The following COL19A1 variants were observed in gnomAD, a reference collection of about 807,000 sequenced individuals.
COL19A1 encodes collagen type XIX alpha 1 chain.
A neutral mutation model predicts 190.2 loss-of-function variants in COL19A1; 159 were observed. The observed-to-expected ratio is 0.84, with a 90% CI of 0.73 to 0.95. The LOEUF (loss-of-function observed/expected upper bound fraction) is 0.95. COL19A1 is among the 40% of genes least tolerant of loss of function. The pLI, the probability that COL19A1 is intolerant of heterozygous loss-of-function variation, is 0.00. For synonymous variants in COL19A1, 509 were observed against 458.9 expected, an observed-to-expected ratio of 1.11 and a Z score of -1.39; for missense variants, 1,418 against 1,431.9, an observed-to-expected ratio of 0.99 and a Z score of 0.16.
At position 70,137,746 on chromosome 6, in the gene COL19A1, C is replaced by G. The variant is rs750922698; in HGVS notation, c.1445C>G (p.Pro482Arg). 5.0e-6 allele frequency: 8 copies of G among 1,612,990 alleles called. No homozygotes were observed. The highest frequency in any genetic ancestry group is 1.7e-4 in the Middle Eastern group (1 of 6,056). ...GGCCCTAAAGGACAAAAAGGAGAAC[C>G]TGTAAGTATTTTAGCTTTGAGGACA... ...SVGPKGQKGE[P>R]GEPFTKGEKG... is the part of the protein sequence containing the mutation. The change falls in exon 19 of 51, where the codon CCT becomes CGT. Residue 482 changes from proline to arginine, a missense_variant and splice_region_variant. By Grantham distance (103) the Pro-to-Arg change is moderately radical. Coordinates refer to ENST00000620364, the MANE Select transcript of COL19A1 (RefSeq NM_001858.6).
intron 1 of COL19A1, among the ~76,000 whole-genome samples, chr6:69,870,549 T>G (rs1767763930): frequency 6.6e-6 from 1 of 152,166 alleles, no homozygotes; most frequent in South Asian, 2.1e-4. Context: ...TGTTAATAAT[T>G]TGATGGCGGA....
At position 70,206,885 on chromosome 6, in the gene COL19A1, T is replaced by C. The variant is rs1767901346; in HGVS notation, c.3224-16T>C. The C allele has an allele frequency of 6.2e-7, 1 of 1,608,292 alleles. No homozygotes were observed. The highest frequency in any genetic ancestry group is 1.3e-5 in the African/African-American group (1 of 74,406). On this transcript the variant is annotated splice_polypyrimidine_tract_variant and intron_variant, in intron 49 of 50. Transcript: ENST00000620364. ...ACCCTTTTTGTGTGTCTCTTTTTTA[T>C]ATATTTCTCACTTAGGCTACAGAGG... is the stretch of plus-strand genomic sequence containing the variant.
intron 11 of COL19A1, among the ~76,000 whole-genome samples, chr6:69,975,198 T>C (rs1042296422): frequency 9.2e-5 from 14 of 152,208 alleles, no homozygotes; most frequent in South Asian, 2.1e-4. Flanking sequence ...TGAGCAAGTG[T>C]TTCACTGTGC....
chr6:70,081,718 G>A (rs1232240254), intron 15 of COL19A1, among the ~76,000 whole-genome samples: 1 of 152,018 alleles, frequency 6.6e-6, no homozygotes, highest in African/African-American at 2.4e-5. Flanking sequence ...TGCATGCTGA[G>A]GTATGATGGT....
chr6:70,148,454 G>A (rs1383956980), intron 27 of COL19A1, among the ~76,000 whole-genome samples: 1 of 152,218 alleles, frequency 6.6e-6, no homozygotes, highest in Admixed American at 6.5e-5. Context: ...ACTGGGGGCA[G>A]AGAACACATA....
intron 16 of COL19A1, among the ~76,000 whole-genome samples, chr6:70,120,595 G>T (rs929071197): frequency 7.2e-5 from 11 of 152,180 alleles, no homozygotes; most frequent in South Asian, 2.1e-4. Flanking sequence ...AATGCCATAA[G>T]AATTCTCTTC....
At chr6:69,990,044 T>C (rs531727915) in intron 11 of COL19A1, among the ~76,000 whole-genome samples, 38 of 152,252 alleles carry the variant, frequency 2.5e-4, no homozygotes, top group Non-Finnish European at 5.4e-4. Flanking sequence ...GTACAAATGA[T>C]GTATCTCTTT....
intron 4 of COL19A1, among the ~76,000 whole-genome samples, chr6:69,921,158 TATATATTCATATACGTATCAC>T (rs1231427079): frequency 7.8e-6 from 1 of 128,940 alleles, no homozygotes; most frequent in African/African-American, 2.8e-5. Flanking sequence ...ATGTATCACG[TATATATTCATATACGTATCAC>T]ATATATTCAT....
intron 1 of COL19A1, among the ~76,000 whole-genome samples, chr6:69,877,295 T>A (rs1318775882): frequency 6.6e-6 from 1 of 152,202 alleles, no homozygotes; most frequent in Admixed American, 6.5e-5. Context: ...ACTAAAAAAA[T>A]TAATTTAAAT....
At position 70,149,694 on chromosome 6, in the gene COL19A1, T is replaced by G. The variant is rs1786910593; in HGVS notation, c.1894-10T>G. 1 of 1,613,006 alleles carries G rather than the reference T, an allele frequency of 6.2e-7. No homozygotes were observed. Among genetic ancestry groups the G allele is most frequent in the Admixed American group, 1.7e-5 (1 of 59,858 alleles). ...TGGAATTTTAATAATAAAATCTCAT[T>G]TGTACTCAGGGCGCCCAAGGACCAG... On this transcript the variant is annotated splice_polypyrimidine_tract_variant and intron_variant, in intron 27 of 50. Coordinates refer to ENST00000620364, the MANE Select transcript of COL19A1 (RefSeq NM_001858.6).
At chr6:69,883,097 C>T (rs560520212) in intron 2 of COL19A1, among the ~76,000 whole-genome samples, 15 of 152,284 alleles carry the variant, frequency 9.9e-5, no homozygotes, top group Admixed American at 7.8e-4. Flanking sequence ...GGGCAAGGCA[C>T]GTGAACACCT....
intron 14 of COL19A1, among the ~76,000 whole-genome samples, chr6:70,047,902 G>C (rs111269472): frequency 6.6e-6 from 1 of 152,060 alleles, no homozygotes; most frequent in Non-Finnish European, 1.5e-5. Flanking sequence ...ACAGGTGAAG[G>C]AAGGTAGAAC....
chr6:70,085,429 T>C (rs1782519607), intron 15 of COL19A1, among the ~76,000 whole-genome samples: 1 of 152,222 alleles, frequency 6.6e-6, no homozygotes, highest in Admixed American at 6.5e-5. Flanking sequence ...GTTAGTAGAC[T>C]TTTCCATTTA....
chr6:70,203,562 C>T (rs1767678230), intron 49 of COL19A1, among the ~76,000 whole-genome samples: 1 of 151,796 alleles, frequency 6.6e-6, no homozygotes, highest in South Asian at 2.1e-4. Context: ...AACCCCTAAC[C>T]CCACCCCCAC....
chr6:69,991,084 C>T (rs1776595988), intron 11 of COL19A1, among the ~76,000 whole-genome samples: 1 of 151,956 alleles, frequency 6.6e-6, no homozygotes, highest in Non-Finnish European at 1.5e-5. Context: ...CTGTTATTCC[C>T]TTTTTTGGGT....
At chr6:70,192,228 T>G (rs1766918825) in intron 48 of COL19A1, among the ~76,000 whole-genome samples, 1 of 152,130 alleles carries the variant, frequency 6.6e-6, no homozygotes, top group Admixed American at 6.5e-5. Flanking sequence ...ACCCAGCTAA[T>G]TTTTGTATTT....
chr6:70,107,393 C>T (rs1784041089), intron 16 of COL19A1, among the ~76,000 whole-genome samples: 1 of 152,086 alleles, frequency 6.6e-6, no homozygotes, highest in African/African-American at 2.4e-5. Context: ...TTAATGTTTC[C>T]TTGTCTCCAT....
intron 15 of COL19A1, among the ~76,000 whole-genome samples, chr6:70,090,956 C>G (rs1449244574): frequency 6.6e-6 from 1 of 152,144 alleles, no homozygotes; most frequent in African/African-American, 2.4e-5. Flanking sequence ...CCTGGATGCT[C>G]TTTCTCAGAC....
chr6:70,081,648 T>C (rs964856895), intron 15 of COL19A1, among the ~76,000 whole-genome samples: 1 of 152,198 alleles, frequency 6.6e-6, no homozygotes, highest in Non-Finnish European at 1.5e-5. Context: ...TGTGAATTTG[T>C]AAAGATTAAT....
Sources: gnomAD v4.1 joint callset for allele counts (sites outside exome capture counted in the v4.1 genomes callset) on GRCh38, gnomAD v4.1.1 for gene constraint, MANE v1.5 for transcripts, NCBI Gene and HGNC (gene_info 2026-07-23, HGNC 2026-07-21) for gene names.